Variants in SPATA13 observed in about 807,000 individuals in gnomAD.
SPATA13 encodes the protein spermatogenesis-associated protein 13.
In SPATA13, 50 loss-of-function variants were observed where a neutral mutation model predicts 104.0. The observed-to-expected ratio is 0.48, with a 90% CI of 0.38 to 0.61. The LOEUF is 0.61. Ranked by LOEUF, SPATA13 falls within the 20% of genes least tolerant of loss-of-function variation. SPATA13 has a pLI of 0.00. For missense variants in SPATA13, 1,524 were observed against 1,690.6 expected (o/e 0.90, Z 1.73); for synonymous variants, 606 against 667.5 (o/e 0.91, Z 1.42).
At chr13:24,017,362 G>C (rs1438569210) in intron 2 of SPATA13, among the ~76,000 whole-genome samples, 1 of 152,148 alleles carries the variant, frequency 6.6e-6, no homozygotes, top group African/African-American at 2.4e-5. Flanking sequence ...CCTGAATTCA[G>C]AGGATTGGAA....
chr13:24,174,249 T>C (rs1883120318), intron 1 of SPATA13, among the ~76,000 whole-genome samples: 1 of 152,182 alleles, frequency 6.6e-6, no homozygotes, highest in Non-Finnish European at 1.5e-5. Context: ...GTGTGTAGAG[T>C]TGCTCGTATT....
intron 3 of SPATA13, among the ~76,000 whole-genome samples, chr13:24,125,277 C>T (rs193109611): frequency 1.1e-4 from 17 of 152,292 alleles, no homozygotes; most frequent in African/African-American, 2.2e-4. Flanking sequence ...CCTAACACGG[C>T]GGGAGAGGGA....
intron 2 of SPATA13, among the ~76,000 whole-genome samples, chr13:23,993,291 CT>C (rs1301474163): frequency 6.6e-6 from 1 of 152,238 alleles, no homozygotes; most frequent in Non-Finnish European, 1.5e-5. Flanking sequence ...AAGGCAGTGG[CT>C]TTCAACTGTT....
chr13:24,165,610 C>T (rs1184774336), intron 1 of SPATA13, among the ~76,000 whole-genome samples: 1 of 151,922 alleles, frequency 6.6e-6, no homozygotes, highest in Non-Finnish European at 1.5e-5. Context: ...ACTTTAGCAG[C>T]AGGAAAGGGG....
At chr13:24,247,686 G>A (rs1873225233) in intron 2 of SPATA13, among the ~76,000 whole-genome samples, 1 of 151,920 alleles carries the variant, frequency 6.6e-6, no homozygotes, top group Non-Finnish European at 1.5e-5. Flanking sequence ...GTTTCACCAT[G>A]TTGGCCAGCT....
intron 3 of SPATA13, among the ~76,000 whole-genome samples, chr13:24,116,625 A>G (rs1261494817): frequency 6.6e-6 from 1 of 152,130 alleles, no homozygotes; most frequent in Non-Finnish European, 1.5e-5. Flanking sequence ...CTCAGAGGGT[A>G]ATGTGCTTGC....
intron 3 of SPATA13, among the ~76,000 whole-genome samples, chr13:24,094,233 G>C (rs1208675629): frequency 1.3e-5 from 2 of 152,204 alleles, no homozygotes; most frequent in Non-Finnish European, 2.9e-5. Flanking sequence ...TAGGGAGTGT[G>C]ATCCTGAGGA....
chr13:24,243,593 G>A (rs1358996043), intron 2 of SPATA13, among the ~76,000 whole-genome samples: 1 of 152,206 alleles, frequency 6.6e-6, no homozygotes, highest in Non-Finnish European at 1.5e-5. Context: ...TAGCCCTGGT[G>A]TCTTAATCAG....
intron 1 of SPATA13, among the ~76,000 whole-genome samples, chr13:24,214,059 G>T (rs9511154): frequency 7.3e-4 from 111 of 152,216 alleles, no homozygotes; most frequent in African/African-American, 2.4e-3. Flanking sequence ...CTCCAGATCC[G>T]CATTCAGGTG....
At chr13:24,058,626 C>T (rs190476316) in intron 3 of SPATA13, among the ~76,000 whole-genome samples, 5 of 151,934 alleles carry the variant, frequency 3.3e-5, no homozygotes, top group East Asian at 1.9e-4. Context: ...GGCTTCAAAA[C>T]GGTCTACATA....
rs967967079 is a variant in SPATA13, at chr13:24,304,305, T to C, written c.*1532T>C. 2 of 152,244 alleles carry C rather than the reference T, an allele frequency of 1.3e-5. No homozygotes were observed. Among genetic ancestry groups the C allele is most frequent in the African/African-American group, 4.8e-5 (2 of 41,468 alleles). 9.4% of individuals were successfully genotyped at this position (152,244 alleles called of 1,614,324 possible). On this transcript the variant is annotated 3_prime_UTR_variant, in exon 13 of 13. Transcript: ENST00000382108. ...TCCTTTTCTTTGTCTATGTTGTACATTTTCATGATATAACTTTTAACTATG... is the reference window on the plus strand; with the variant it reads ...TCCTTTTCTTTGTCTATGTTGTACACTTTCATGATATAACTTTTAACTATG...
intron 2 of SPATA13, among the ~76,000 whole-genome samples, chr13:24,244,859 A>G (rs1358940060): frequency 6.6e-6 from 1 of 152,232 alleles, no homozygotes; most frequent in Non-Finnish European, 1.5e-5. Context: ...TCGCAAAATA[A>G]ATAAATAAAA....
intron 2 of SPATA13, among the ~76,000 whole-genome samples, chr13:24,227,594 A>G (rs1872016854): frequency 6.6e-6 from 1 of 151,934 alleles, no homozygotes; most frequent in Admixed American, 6.6e-5. Context: ...TTTTATTGAG[A>G]CAGTCTCATT....
chr13:24,153,354 T>G (rs1336975003), intron 3 of SPATA13, among the ~76,000 whole-genome samples: 1 of 152,078 alleles, frequency 6.6e-6, no homozygotes, highest in East Asian at 1.9e-4. Context: ...CACTTCCTCC[T>G]CACTGCCACC....
At chr13:24,285,200 C>T (rs1469953882) in intron 5 of SPATA13, among the ~76,000 whole-genome samples, 1 of 152,176 alleles carries the variant, frequency 6.6e-6, no homozygotes, top group Non-Finnish European at 1.5e-5. Context: ...ACATCTGTTC[C>T]TGACTTTTTA....
At position 24,240,548 on chromosome 13, in the gene SPATA13, C is replaced by T. The variant is rs139694695; in HGVS notation, c.1654-8929C>T. 1.1e-4 allele frequency among the ~76,000 whole-genome samples: 16 copies of T among 152,122 alleles called. No individual in the cohort carries two copies. The East Asian group carries it at 2.9e-3, about 28-fold the overall frequency. On this transcript the variant is annotated intron_variant, in intron 2 of 12. Coordinates refer to ENST00000382108, the MANE Select transcript of SPATA13 (RefSeq NM_001166271.3). ...CACGGGCTGGGATGGAGTTTGTCAC[C>T]GTCATGCGGAGTTCATTCCTTTTTT...
chr13:24,104,604 T>C (rs1340881829), intron 3 of SPATA13, among the ~76,000 whole-genome samples: 1 of 152,146 alleles, frequency 6.6e-6, no homozygotes, highest in Non-Finnish European at 1.5e-5. Flanking sequence ...TCACTCATAG[T>C]GACAATGAGA....
chr13:24,240,759 A>G (rs1872792557), intron 2 of SPATA13, among the ~76,000 whole-genome samples: 1 of 152,206 alleles, frequency 6.6e-6, no homozygotes, highest in South Asian at 2.1e-4. Flanking sequence ...ATATCAGTCT[A>G]TAAAACAGGT....
chr13:24,024,194 C>T (rs138547000), intron 3 of SPATA13, among the ~76,000 whole-genome samples: 3 of 152,326 alleles, frequency 2.0e-5, no homozygotes, highest in Non-Finnish European at 4.4e-5. Flanking sequence ...ACCAGTCACA[C>T]TGTGAACTGG....
Sources: allele counts gnomAD v4.1 joint callset (sites outside exome capture counted in the v4.1 genomes callset), GRCh38; gene constraint gnomAD v4.1.1; transcripts MANE v1.5; gene names NCBI Gene and HGNC (gene_info 2026-07-23, HGNC 2026-07-21).